The following NRG3 variants were observed in gnomAD, a reference collection of about 807,000 sequenced individuals.
NRG3 encodes pro-neuregulin-3, membrane-bound isoform.
NRG3 carries 31 observed loss-of-function variants against 66.9 expected under a neutral mutation model. The observed-to-expected ratio is 0.46, with a 90% CI of 0.35 to 0.63. The LOEUF (loss-of-function observed/expected upper bound fraction) is 0.63, where lower values mean the gene tolerates loss of function less well. Among genes scored for constraint, NRG3 ranks in the 20% least tolerant of loss-of-function variants. NRG3 has a pLI of 0.00. For synonymous variants in NRG3, 393 were observed against 359.4 expected, an observed-to-expected ratio of 1.09 and a Z score of -1.06; for missense variants, 910 against 878.9, an observed-to-expected ratio of 1.04 and a Z score of -0.45.
intron 1 of NRG3, among the ~76,000 whole-genome samples, chr10:82,310,814 C>G (rs1255101076): frequency 6.6e-6 from 1 of 152,154 alleles, no homozygotes; most frequent in Non-Finnish European, 1.5e-5. Flanking sequence ...TTCCCTCTCT[C>G]CTCTCTCCCT....
chr10:82,456,640 T>C (rs2091281011), intron 2 of NRG3, among the ~76,000 whole-genome samples: 1 of 152,180 alleles, frequency 6.6e-6, no homozygotes, highest in African/African-American at 2.4e-5. Context: ...GGTGCATGAC[T>C]GTAATTTTGG....
rs184777835 is a variant in NRG3, at chr10:82,659,382, G to A, written c.954-79195G>A. Among the ~76,000 whole-genome samples the A allele has an allele frequency of 1.0e-3, 156 of 152,228 alleles. 1 individual carries two copies. The highest frequency in any genetic ancestry group is 1.7e-3 in the Non-Finnish European group (118 of 68,018). ...CACACATTAAAATATTCTAGGCTGG[G>A]CATGGTGGCTCACGCCTGTAATTCC... is the stretch of plus-strand genomic sequence containing the variant. On this transcript the variant is annotated intron_variant, in intron 2 of 8. Coordinates refer to ENST00000372141, the MANE Select transcript of NRG3 (RefSeq NM_001010848.4).
At chr10:82,476,955 G>A (rs1352190406) in intron 2 of NRG3, among the ~76,000 whole-genome samples, 6 of 152,198 alleles carry the variant, frequency 3.9e-5, no homozygotes, top group African/African-American at 1.4e-4. Flanking sequence ...TGAGTTCCGA[G>A]TTCATCCAGT....
chr10:82,963,227 A>G (rs1850852169), intron 6 of NRG3, among the ~76,000 whole-genome samples: 1 of 152,240 alleles, frequency 6.6e-6, no homozygotes, highest in Non-Finnish European at 1.5e-5. Flanking sequence ...CAAAAAACCT[A>G]GGCAAACTTA....
intron 1 of NRG3, among the ~76,000 whole-genome samples, chr10:82,256,443 C>T (rs986836584): frequency 6.6e-6 from 1 of 152,008 alleles, no homozygotes; most frequent in Non-Finnish European, 1.5e-5. Flanking sequence ...GGCTCACTGC[C>T]CTCTTCAGGT....
intron 3 of NRG3, among the ~76,000 whole-genome samples, chr10:82,764,267 T>C (rs1344161980): frequency 1.3e-5 from 2 of 152,058 alleles, no homozygotes; most frequent in African/African-American, 2.4e-5. Flanking sequence ...ACTCGTAGCC[T>C]CAAGTGATCT....
chr10:82,358,306 T>A (rs565784094), intron 1 of NRG3, among the ~76,000 whole-genome samples: 90 of 152,200 alleles, frequency 5.9e-4, no homozygotes, highest in African/African-American at 2.0e-3. Flanking sequence ...TCCCCCAAAC[T>A]GACATTGGAT....
chr10:82,308,468 G>A (rs747676437), intron 1 of NRG3, among the ~76,000 whole-genome samples: 28 of 151,894 alleles, frequency 1.8e-4, no homozygotes, highest in Non-Finnish European at 3.5e-4. Flanking sequence ...GCTTCTACTT[G>A]ATTCAGCTAT....
At chr10:82,795,025 A>G (rs1448903325) in intron 3 of NRG3, among the ~76,000 whole-genome samples, 1 of 152,240 alleles carries the variant, frequency 6.6e-6, no homozygotes, top group Non-Finnish European at 1.5e-5. Flanking sequence ...ACTGAGAAAG[A>G]GGGAATATAT....
chr10:82,589,324 C>G (rs1331074897), intron 2 of NRG3, among the ~76,000 whole-genome samples: 1 of 152,122 alleles, frequency 6.6e-6, no homozygotes, highest in Non-Finnish European at 1.5e-5. Flanking sequence ...CCAACCCAAA[C>G]CCTGAAGAAA....
At position 81,988,967 on chromosome 10, in the gene NRG3, G is replaced by T. The variant is rs562815973; in HGVS notation, c.823+112804G>T. On this transcript the variant is annotated intron_variant, in intron 1 of 8. Transcript: ENST00000372141. ...GAGTTAAGGGTGGGAGGCCAGTTAG[G>T]AGACTGTTGAAGTAACGCAAGTGAG... is the stretch of plus-strand genomic sequence containing the variant. 2.6e-5 allele frequency among the ~76,000 whole-genome samples: 4 copies of T among 152,214 alleles called. 1 individual carries two copies. The South Asian group carries it at 8.3e-4, about 32-fold the overall frequency.
At chr10:82,040,950 T>G (rs1389034131) in intron 1 of NRG3, among the ~76,000 whole-genome samples, 1 of 152,080 alleles carries the variant, frequency 6.6e-6, no homozygotes, top group Non-Finnish European at 1.5e-5. Flanking sequence ...TGAACACATT[T>G]GTTAGAAAAC....
intron 4 of NRG3, among the ~76,000 whole-genome samples, chr10:82,913,352 A>C (rs1413576028): frequency 6.6e-6 from 1 of 152,232 alleles, no homozygotes; most frequent in African/African-American, 2.4e-5. Context: ...AAATAAGAAA[A>C]ATAAACATTT....
chr10:82,018,890 A>C (rs1444550837), intron 1 of NRG3, among the ~76,000 whole-genome samples: 1 of 152,178 alleles, frequency 6.6e-6, no homozygotes, highest in African/African-American at 2.4e-5. Context: ...AACAGGGACA[A>C]TTTGACTTCC....
At chr10:82,370,116 C>T (rs2084784016) in intron 2 of NRG3, among the ~76,000 whole-genome samples, 1 of 138,950 alleles carries the variant, frequency 7.2e-6, no homozygotes, top group Non-Finnish European at 1.5e-5. Flanking sequence ...GCTCAGTGGA[C>T]CCTCTGCTTT....
At chr10:82,422,690 G>A (rs895520852) in intron 2 of NRG3, among the ~76,000 whole-genome samples, 2 of 151,996 alleles carry the variant, frequency 1.3e-5, no homozygotes, top group African/African-American at 2.4e-5. Context: ...AGCTATGTCA[G>A]TGGTCAGAAT....
rs58211700 is a variant in NRG3, at chr10:82,024,338, AT to A, written c.823+148181del. 4.8e-4 allele frequency among the ~76,000 whole-genome samples: 72 copies of A among 151,498 alleles called. 1 individual carries two copies. Among genetic ancestry groups the A allele is most frequent in the Non-Finnish European group, 2.4e-4 (16 of 67,836 alleles). On this transcript the variant is annotated intron_variant, in intron 1 of 8. Transcript: ENST00000372141. ...TTGTTATTTTTGTATCCTTAATTTCATTTTTTCTGCTCTGATCTTTATTATT... is the reference window on the plus strand; with the variant it reads ...TTGTTATTTTTGTATCCTTAATTTCATTTTTCTGCTCTGATCTTTATTATT...
intron 4 of NRG3, among the ~76,000 whole-genome samples, chr10:82,886,318 TC>T (rs1047293405): frequency 1.3e-5 from 2 of 152,212 alleles, no homozygotes; most frequent in African/African-American, 4.8e-5. Context: ...CAAAGGCACT[TC>T]CTTTCTTTAT....
At chr10:82,448,967 T>C (rs1205184053) in intron 2 of NRG3, among the ~76,000 whole-genome samples, 1 of 152,106 alleles carries the variant, frequency 6.6e-6, no homozygotes, top group Admixed American at 6.5e-5. Flanking sequence ...TTCTCAAGAG[T>C]AACATAACTC....
Sources: allele counts gnomAD v4.1 joint callset (sites outside exome capture counted in the v4.1 genomes callset), GRCh38; gene constraint gnomAD v4.1.1; transcripts MANE v1.5; gene names NCBI Gene and HGNC (gene_info 2026-07-23, HGNC 2026-07-21).